CELF2: variants seen among roughly 807,000 people sequenced by gnomAD.
CELF2 encodes the protein CUGBP Elav-like family member 2.
A neutral mutation model predicts 62.6 loss-of-function variants in CELF2; 8 were observed. The observed-to-expected ratio is 0.13, with a 90% CI of 0.07 to 0.23. CELF2 has a LOEUF of 0.23. CELF2 is among the 10% of genes least tolerant of loss of function. The pLI is 1.00. For synonymous variants in CELF2, 258 were observed against 250.0 expected, an observed-to-expected ratio of 1.03 and a Z score of -0.30; for missense variants, 333 against 671.0, an observed-to-expected ratio of 0.50 and a Z score of 5.56.
At chr10:10,977,950 G>A (rs1004898856) in intron 2 of CELF2, among the ~76,000 whole-genome samples, 2 of 151,622 alleles carry the variant, frequency 1.3e-5, no homozygotes, top group African/African-American at 4.9e-5. Flanking sequence ...CACAGTAAAT[G>A]TTAGCTCTTC....
intron 9 of CELF2, among the ~76,000 whole-genome samples, chr10:11,303,061 G>A (rs573516919): frequency 5.9e-5 from 9 of 152,304 alleles, no homozygotes; most frequent in African/African-American, 1.7e-4. Context: ...ACAGGGACTC[G>A]AGTGCCTCAG....
At chr10:10,960,686 C>T (rs772415484) in intron 2 of CELF2, among the ~76,000 whole-genome samples, 8 of 152,218 alleles carry the variant, frequency 5.3e-5, no homozygotes, top group South Asian at 4.1e-4. Context: ...TGATTTGACA[C>T]GACATCCCAT....
the CELF2 span, among the ~76,000 whole-genome samples, chr10:10,708,757 T>C: frequency 6.6e-6 from 1 of 152,150 alleles, no homozygotes; most frequent in Non-Finnish European, 1.5e-5. Context: ...TACATACATA[T>C]ACGATTGAAA....
At chr10:10,775,335 A>G in the CELF2 span, among the ~76,000 whole-genome samples, 8 of 152,230 alleles carry the variant, frequency 5.3e-5, no homozygotes, top group East Asian at 1.6e-3. Context: ...TACAGAGAGA[A>G]AGCAGGAGAT....
chr10:11,020,270 T>C (rs1382007636), intron 1 of CELF2, among the ~76,000 whole-genome samples: 1 of 152,198 alleles, frequency 6.6e-6, no homozygotes, highest in Non-Finnish European at 1.5e-5. Context: ...GTTGCTTAAT[T>C]GAACTAAGGG....
At chr10:10,540,533 TC>T in the CELF2 span, among the ~76,000 whole-genome samples, 1 of 152,056 alleles carries the variant, frequency 6.6e-6, no homozygotes, top group Non-Finnish European at 1.5e-5. Flanking sequence ...GAGACCTAGC[TC>T]CCCATACGGT....
chr10:10,975,701 T>C (rs201091), intron 2 of CELF2, among the ~76,000 whole-genome samples: 12,367 of 152,220 alleles, frequency 0.081, 1,707 homozygotes, highest in African/African-American at 0.28. Flanking sequence ...CATTCACATA[T>C]ATGGTGGAAG....
upstream of CELF2, among the ~76,000 whole-genome samples, chr10:11,003,711 A>G (rs538121938): frequency 7.8e-4 from 119 of 152,320 alleles, 2 homozygotes; most frequent in Non-Finnish European, 1.5e-3. The surrounding 1 kb of genome is among the most constrained non-coding windows in gnomAD (Gnocchi z 4.4). Context: ...CTCTGGTTCC[A>G]AGCTCATTTA....
rs1416170473 is a variant in CELF2, at chr10:11,328,903, C to G, written c.1439-23C>G. The G allele has an allele frequency of 6.2e-7, 1 of 1,600,722 alleles. No individual in the cohort carries two copies. On this transcript the variant is annotated intron_variant, in intron 12 of 12. Coordinates refer to ENST00000633077, the MANE Select transcript of CELF2 (RefSeq NM_001326342.2). This position sits in a 1 kb window ranked among gnomAD's most constrained non-coding sequence, Gnocchi z 6.4. Reference sequence around the variant, plus strand: ...CTGCTGGGCTTCCTCTCCAGGCTGACTCCCTCTCTCGGTATTTTCCAGGTT... The same window carrying G: ...CTGCTGGGCTTCCTCTCCAGGCTGAGTCCCTCTCTCGGTATTTTCCAGGTT...
intron 1 of CELF2, among the ~76,000 whole-genome samples, chr10:11,009,370 C>T (rs935216340): frequency 6.6e-5 from 10 of 151,802 alleles, no homozygotes; most frequent in African/African-American, 1.5e-4. Context: ...TGTGCGTGCG[C>T]GCGTCGGAAC....
chr10:11,052,564 T>C (rs1030198937), intron 1 of CELF2, among the ~76,000 whole-genome samples: 1 of 152,222 alleles, frequency 6.6e-6, no homozygotes, highest in African/African-American at 2.4e-5. Flanking sequence ...CAGTTCCGTA[T>C]TGAAAAATGA....
At chr10:11,060,161 C>G (rs2066386360) in intron 1 of CELF2, among the ~76,000 whole-genome samples, 1 of 152,152 alleles carries the variant, frequency 6.6e-6, no homozygotes, top group Non-Finnish European at 1.5e-5. Context: ...TGAACAGCCC[C>G]ATGATCTCAG....
chr10:11,009,248 G>C (rs1356457912), intron 1 of CELF2, among the ~76,000 whole-genome samples: 1 of 152,002 alleles, frequency 6.6e-6, no homozygotes, highest in Non-Finnish European at 1.5e-5. Context: ...TTAAAATGAA[G>C]TGTCCTAGAG....
chr10:10,533,503 T>C, the CELF2 span, among the ~76,000 whole-genome samples: 5,662 of 152,334 alleles, frequency 0.037, 336 homozygotes, highest in African/African-American at 0.13. Context: ...TGTAGGACTT[T>C]CAAGAGCTAA....
intron 1 of CELF2, among the ~76,000 whole-genome samples, chr10:10,866,848 A>C (rs1010090696): frequency 2.7e-5 from 4 of 146,844 alleles, no homozygotes; most frequent in Non-Finnish European, 4.5e-5. Flanking sequence ...TGAACCCATG[A>C]GGCAGAGGTT....
chr10:11,004,512 A>G (rs1168090974), upstream of CELF2, among the ~76,000 whole-genome samples: 1 of 151,986 alleles, frequency 6.6e-6, no homozygotes, highest in Non-Finnish European at 1.5e-5. This position sits in a 1 kb window ranked among gnomAD's most constrained non-coding sequence, Gnocchi z 5.0. Context: ...TACAATGTAT[A>G]TTTCCCTGGT....
intron 1 of CELF2, among the ~76,000 whole-genome samples, chr10:11,144,660 G>A (rs1325051856): frequency 3.3e-5 from 5 of 151,388 alleles, no homozygotes; most frequent in African/African-American, 9.7e-5. Context: ...TCGGGAGACC[G>A]AGGCAGGAGG....
rs182444115 is a variant in CELF2, at chr10:11,091,607, T to C, written c.74+73444T>C. ...GTCAAACGAGCATGTTCTCTGCTGA[T>C]TGACAGCAATACAAGGAAAGGTTAC... On this transcript the variant is annotated intron_variant, in intron 1 of 12. Transcript: ENST00000633077. Among the ~76,000 whole-genome samples, 42 of 152,336 alleles carry C rather than the reference T, an allele frequency of 2.8e-4. 1 individual carries two copies. In the East Asian group the frequency reaches 5.6e-3, roughly 20 times the overall value.
intron 2 of CELF2, among the ~76,000 whole-genome samples, chr10:10,974,603 G>A (rs2051125604): frequency 6.6e-6 from 1 of 152,206 alleles, no homozygotes; most frequent in Non-Finnish European, 1.5e-5. Flanking sequence ...AAACAGCCTA[G>A]GCTAGCAAAC....
Sources: gnomAD v4.1 joint callset for allele counts (sites outside exome capture counted in the v4.1 genomes callset) on GRCh38, gnomAD v4.1.1 for gene constraint, Gnocchi (gnomAD v3.1) non-coding constraint, MANE v1.5 for transcripts, NCBI Gene and HGNC (gene_info 2026-07-23, HGNC 2026-07-21) for gene names.